Variants in CPA6 observed in about 807,000 individuals in gnomAD.
The protein encoded by CPA6 is carboxypeptidase B.
CPA6 carries 58 observed loss-of-function variants against 63.3 expected under a neutral mutation model. The observed-to-expected ratio is 0.92, with a 90% CI of 0.74 to 1.14. CPA6 has a LOEUF of 1.14. Among genes scored for constraint, CPA6 ranks in the 50% most tolerant of loss-of-function variants. The probability of loss-of-function intolerance (pLI) is 0.00; values close to 1 mark genes in which losing one functional copy is unlikely to be tolerated. For synonymous variants in CPA6, 185 were observed against 179.0 expected (o/e 1.03, Z -0.27); for missense variants, 565 against 526.6 (o/e 1.07, Z -0.71).
At chr8:67,705,604 A>G (rs1335263945) in intron 1 of CPA6, among the ~76,000 whole-genome samples, 2 of 152,212 alleles carry the variant, frequency 1.3e-5, no homozygotes, top group African/African-American at 4.8e-5. Context: ...ATACTTTCCA[A>G]GATGGGTGTC....
Position 67,685,790 on chromosome 8 carries a change from C to T in CPA6, c.116+60224G>A, listed in dbSNP as rs145383795. 1.8e-3 allele frequency among the ~76,000 whole-genome samples: 278 copies of T among 152,248 alleles called. 1 individual carries two copies. The highest frequency in any genetic ancestry group is 6.5e-3 in the African/African-American group (268 of 41,544). On this transcript the variant is annotated intron_variant, in intron 1 of 10. Transcript: ENST00000297770. The stretch of plus-strand genomic sequence containing the variant: ...ATCTCCCTGAATTATTACGTTATTA[C>T]GAGGTCACCAAAGGTCTTGGTCTTT...
At chr8:67,682,117 T>G (rs1253058262) in intron 1 of CPA6, among the ~76,000 whole-genome samples, 1 of 151,964 alleles carries the variant, frequency 6.6e-6, no homozygotes, top group Non-Finnish European at 1.5e-5. Flanking sequence ...GACCTTAGTG[T>G]TTTTTTTCAA....
chr8:67,438,917 A>G (rs1191297590), intron 8 of CPA6, among the ~76,000 whole-genome samples: 1 of 152,224 alleles, frequency 6.6e-6, no homozygotes, highest in African/African-American at 2.4e-5. Context: ...CACCAGAATA[A>G]GAAAAATAGA....
At chr8:67,588,213 G>A (rs891715762) in intron 2 of CPA6, among the ~76,000 whole-genome samples, 4 of 152,146 alleles carry the variant, frequency 2.6e-5, no homozygotes, top group South Asian at 2.1e-4. Context: ...CAGGTTCGCC[G>A]TTTAACATTA....
intron 8 of CPA6, among the ~76,000 whole-genome samples, chr8:67,455,782 G>C (rs371192274): frequency 6.6e-6 from 1 of 151,344 alleles, no homozygotes; most frequent in Admixed American, 6.6e-5. Flanking sequence ...GGAGTGCAGT[G>C]GTGTAATCTG....
intron 2 of CPA6, among the ~76,000 whole-genome samples, chr8:67,613,158 A>T (rs1433143658): frequency 6.6e-6 from 1 of 152,110 alleles, no homozygotes; most frequent in Non-Finnish European, 1.5e-5. Flanking sequence ...AATTTCCCCT[A>T]CCTCATACCC....
At chr8:67,530,620 C>T (rs539539888) in intron 2 of CPA6, among the ~76,000 whole-genome samples, 9 of 152,240 alleles carry the variant, frequency 5.9e-5, no homozygotes, top group South Asian at 2.1e-4. Flanking sequence ...ATGAAGAAAA[C>T]GCCAACTAGA....
At chr8:67,482,701 T>C (rs547001006) in intron 8 of CPA6, among the ~76,000 whole-genome samples, 39 of 152,294 alleles carry the variant, frequency 2.6e-4, no homozygotes, top group African/African-American at 8.2e-4. Context: ...CATATATAAA[T>C]TCCTTTAGTC....
intron 1 of CPA6, among the ~76,000 whole-genome samples, chr8:67,647,799 C>T (rs990574878): frequency 6.6e-6 from 1 of 152,160 alleles, no homozygotes; most frequent in African/African-American, 2.4e-5. Context: ...TGTCACAAAC[C>T]ACTGTCTGCT....
intron 8 of CPA6, among the ~76,000 whole-genome samples, chr8:67,447,987 G>T (rs1197977422): frequency 1.3e-5 from 2 of 152,152 alleles, no homozygotes; most frequent in Non-Finnish European, 2.9e-5. Context: ...GTTTCACCCT[G>T]TTGGCCAGGC....
chr8:67,565,838 T>C (rs367595092), intron 2 of CPA6, among the ~76,000 whole-genome samples: 21 of 152,332 alleles, frequency 1.4e-4, no homozygotes, highest in East Asian at 5.8e-4. Flanking sequence ...TCATCTTCAC[T>C]TTGAAAAAGC....
chr8:67,490,631 A>G (rs2128962248), intron 6 of CPA6, among the ~76,000 whole-genome samples: 1 of 152,350 alleles, frequency 6.6e-6, no homozygotes, highest in South Asian at 2.1e-4. Context: ...TCTGAAGTTA[A>G]TTAAGAAAGA....
At chr8:67,442,974 T>C (rs953400002) in intron 8 of CPA6, among the ~76,000 whole-genome samples, 1 of 152,176 alleles carries the variant, frequency 6.6e-6, no homozygotes, top group Non-Finnish European at 1.5e-5. Context: ...AGCTGCATAT[T>C]AGTCTGAGAC....
At chr8:67,591,939 G>A (rs1405600648) in intron 2 of CPA6, among the ~76,000 whole-genome samples, 2 of 152,180 alleles carry the variant, frequency 1.3e-5, no homozygotes, top group African/African-American at 2.4e-5. Context: ...TAGGAGTGAT[G>A]AGAGAGGGCA....
intron 2 of CPA6, among the ~76,000 whole-genome samples, chr8:67,580,435 A>T (rs1160494606): frequency 6.6e-6 from 1 of 152,176 alleles, no homozygotes; most frequent in Non-Finnish European, 1.5e-5. Flanking sequence ...ATGCTTCCAG[A>T]CTATTATTCA....
chr8:67,632,177 T>TGTGC (rs1207936578), intron 1 of CPA6, among the ~76,000 whole-genome samples: 2 of 142,886 alleles, frequency 1.4e-5, no homozygotes, highest in Non-Finnish European at 3.1e-5. Context: ...TGTGTGTGTG[T>TGTGC]GTGTGTTTTC....
At chr8:67,690,221 T>A (rs1816788501) in intron 1 of CPA6, among the ~76,000 whole-genome samples, 1 of 152,208 alleles carries the variant, frequency 6.6e-6, no homozygotes, top group Non-Finnish European at 1.5e-5. Context: ...TCAAATTCTA[T>A]AACATTTGAT....
intron 2 of CPA6, among the ~76,000 whole-genome samples, chr8:67,606,785 T>G (rs1355989303): frequency 6.6e-6 from 1 of 152,192 alleles, no homozygotes; most frequent in Admixed American, 6.5e-5. Flanking sequence ...AGGTTCTCCT[T>G]TGCCCATTAT....
intron 2 of CPA6, among the ~76,000 whole-genome samples, chr8:67,561,109 G>A (rs1189598963): frequency 6.6e-6 from 1 of 152,088 alleles, no homozygotes; most frequent in Admixed American, 6.5e-5. Flanking sequence ...CGCTGTCAGT[G>A]TCTCTACCAT....
Sources: gnomAD v4.1 joint callset for allele counts (sites outside exome capture counted in the v4.1 genomes callset) on GRCh38, gnomAD v4.1.1 for gene constraint, MANE v1.5 for transcripts, NCBI Gene and HGNC (gene_info 2026-07-23, HGNC 2026-07-21) for gene names.